CSMD3: variants seen among roughly 807,000 people sequenced by gnomAD.
CSMD3 encodes CUB and sushi domain-containing protein 3.
In CSMD3, 177 loss-of-function variants were observed where a neutral mutation model predicts 435.2. The observed-to-expected ratio is 0.41, with a 90% CI of 0.36 to 0.46. CSMD3 has a LOEUF of 0.46. Ranked by LOEUF, CSMD3 falls within the 20% of genes least tolerant of loss-of-function variation. The pLI is 0.34. For missense variants in CSMD3, 4,265 were observed against 4,504.6 expected (o/e 0.95, Z 1.52); for synonymous variants, 1,656 against 1,520.5 (o/e 1.09, Z -2.07).
At chr8:113,343,430 G>A (rs933430794) in intron 1 of CSMD3, among the ~76,000 whole-genome samples, 3 of 152,072 alleles carry the variant, frequency 2.0e-5, no homozygotes, top group Non-Finnish European at 2.9e-5. Flanking sequence ...TCCATTTGAA[G>A]ATCACAGAGA....
chr8:113,183,638 C>T (rs1193500635), intron 3 of CSMD3, among the ~76,000 whole-genome samples: 2 of 151,924 alleles, frequency 1.3e-5, no homozygotes, highest in Non-Finnish European at 2.9e-5. Context: ...CGTAAGTCCC[C>T]AGAATTTAGA....
At chr8:113,117,330 A>T (rs1433019099) in intron 4 of CSMD3, among the ~76,000 whole-genome samples, 1 of 152,138 alleles carries the variant, frequency 6.6e-6, no homozygotes, top group Non-Finnish European at 1.5e-5. Context: ...GTGAGCACCA[A>T]CCCTTGGCAG....
intron 13 of CSMD3, among the ~76,000 whole-genome samples, chr8:112,780,187 C>A (rs534516091): frequency 2.6e-5 from 4 of 151,896 alleles, no homozygotes; most frequent in African/African-American, 9.7e-5. Context: ...TATACCCTGG[C>A]GCCATGTAGA....
At chr8:113,421,606 G>A (rs1384804534) in intron 1 of CSMD3, among the ~76,000 whole-genome samples, 1 of 152,012 alleles carries the variant, frequency 6.6e-6, no homozygotes, top group Non-Finnish European at 1.5e-5. Context: ...TTGGTATACT[G>A]AATACTTTGA....
intron 1 of CSMD3, among the ~76,000 whole-genome samples, chr8:113,374,434 T>C (rs1024397369): frequency 6.6e-6 from 1 of 152,092 alleles, no homozygotes; most frequent in South Asian, 2.1e-4. Flanking sequence ...TTAAATTTTT[T>C]CTAGAGATAA....
chr8:112,566,103 AAT>A (rs988689294), intron 24 of CSMD3, among the ~76,000 whole-genome samples: 4 of 151,556 alleles, frequency 2.6e-5, no homozygotes, highest in Admixed American at 2.6e-4. Context: ...TAAAACTTGA[AAT>A]ATATATAAAT....
At chr8:112,285,044 T>C (rs1224285178) in intron 58 of CSMD3, among the ~76,000 whole-genome samples, 2 of 152,060 alleles carry the variant, frequency 1.3e-5, no homozygotes, top group Admixed American at 1.3e-4. Flanking sequence ...CCTTTATCCA[T>C]TCGTCTACTA....
chr8:112,800,013 G>A (rs2078923917), intron 13 of CSMD3, 149 bp downstream of exon 13: 1 of 654,260 alleles, frequency 1.5e-6, no homozygotes, highest in Non-Finnish European at 2.7e-6. Flanking sequence ...ATTAACATTT[G>A]TAGTTAAATT....
At chr8:112,969,411 T>C (rs1428718213) in intron 7 of CSMD3, among the ~76,000 whole-genome samples, 3 of 151,990 alleles carry the variant, frequency 2.0e-5, no homozygotes, top group African/African-American at 7.2e-5. Flanking sequence ...GAGTTTCTTT[T>C]AAGCTCTAGT....
chr8:112,621,295 T>G (rs1586824038), intron 22 of CSMD3, among the ~76,000 whole-genome samples: 1 of 152,054 alleles, frequency 6.6e-6, no homozygotes, highest in Non-Finnish European at 1.5e-5. Context: ...ATATCAATAA[T>G]TGTTAAACCC....
intron 1 of CSMD3, chr8:113,376,806 T>A (rs1236353394): frequency 1.9e-6 from 3 of 1,613,682 alleles, no homozygotes; most frequent in Non-Finnish European, 2.5e-6. Flanking sequence ...TCAACCGGGT[T>A]GTGCTGAAGA....
chr8:112,864,840 C>T (rs542373631), intron 10 of CSMD3, among the ~76,000 whole-genome samples: 10 of 152,036 alleles, frequency 6.6e-5, no homozygotes, highest in South Asian at 2.1e-4. Flanking sequence ...AATATTTATG[C>T]GTTTCCTATA....
intron 5 of CSMD3, among the ~76,000 whole-genome samples, chr8:113,027,454 T>G (rs1057080604): frequency 1.3e-5 from 2 of 152,178 alleles, no homozygotes; most frequent in Non-Finnish European, 2.9e-5. Context: ...TTTTCCACAC[T>G]GTGCAAGTCA....
Position 112,506,833 on chromosome 8 carries a change from T to C in CSMD3, c.4757-4A>G. The C allele has an allele frequency of 6.2e-7, 1 of 1,610,400 alleles. No homozygotes were observed. The highest frequency in any genetic ancestry group is 1.1e-5 in the South Asian group (1 of 90,924). ...GTTAAATTGCCTCCACAGGGTGCTT[T>C]AATTTAAACAAACAAATAAAATCTC... On this transcript the variant is annotated splice_region_variant and splice_polypyrimidine_tract_variant and intron_variant, in intron 28 of 70. Coordinates refer to ENST00000297405, the MANE Select transcript of CSMD3 (RefSeq NM_198123.2).
chr8:113,361,874 A>T (rs534873821), intron 1 of CSMD3, among the ~76,000 whole-genome samples: 1 of 152,274 alleles, frequency 6.6e-6, no homozygotes, highest in Admixed American at 6.5e-5. Context: ...AGCAAATTTT[A>T]ATATTTCATT....
At chr8:112,625,560 G>T (rs1834411248) in intron 22 of CSMD3, among the ~76,000 whole-genome samples, 2 of 151,996 alleles carry the variant, frequency 1.3e-5, no homozygotes, top group Non-Finnish European at 2.9e-5. Flanking sequence ...ATAGTAAAAT[G>T]CATGAAATAA....
intron 1 of CSMD3, among the ~76,000 whole-genome samples, chr8:113,397,302 C>T (rs188946593): frequency 6.1e-4 from 93 of 152,026 alleles, no homozygotes; most frequent in African/African-American, 2.1e-3. Flanking sequence ...TAAACATTTA[C>T]GTTTCTTCTT....
intron 13 of CSMD3, among the ~76,000 whole-genome samples, chr8:112,709,599 T>A (rs1030795086): frequency 6.6e-6 from 1 of 152,192 alleles, no homozygotes; most frequent in East Asian, 1.9e-4. Context: ...TTTATAAAAT[T>A]CTAGTCCTTT....
At chr8:112,313,882 C>T (rs2130829881) in intron 49 of CSMD3, 24 bp downstream of exon 49, 1 of 1,578,834 alleles carries the variant, frequency 6.3e-7, no homozygotes, top group Non-Finnish European at 8.7e-7. Context: ...TGAGATCTGT[C>T]CTGAAGTTAT....
Sources: gnomAD v4.1 joint callset for allele counts (sites outside exome capture counted in the v4.1 genomes callset) on GRCh38, gnomAD v4.1.1 for gene constraint, MANE v1.5 for transcripts, NCBI Gene and HGNC (gene_info 2026-07-23, HGNC 2026-07-21) for gene names.